DYM: variants seen among roughly 807,000 people sequenced by gnomAD.
DYM encodes dymeclin.
A neutral mutation model predicts 93.1 loss-of-function variants in DYM; 78 were observed. The observed-to-expected ratio is 0.84, with a 90% CI of 0.70 to 1.01. DYM has a LOEUF of 1.01. DYM is among the 50% of genes least tolerant of loss of function. The probability of loss-of-function intolerance (pLI) is 0.00; values close to 1 mark genes in which losing one functional copy is unlikely to be tolerated. For synonymous variants in DYM, 321 were observed against 319.7 expected (o/e 1.00, Z -0.04); for missense variants, 789 against 845.0 (o/e 0.93, Z 0.82).
intron 5 of DYM, among the ~76,000 whole-genome samples, chr18:49,367,481 G>T (rs976767472): frequency 6.6e-6 from 1 of 152,192 alleles, no homozygotes; most frequent in African/African-American, 2.4e-5. Flanking sequence ...CAGCACTGTT[G>T]TTTTGTCCTT....
At chr18:49,194,769 A>G (rs1219204248) in intron 14 of DYM, among the ~76,000 whole-genome samples, 1 of 152,202 alleles carries the variant, frequency 6.6e-6, no homozygotes, top group Admixed American at 6.5e-5. Flanking sequence ...AAATATTTCC[A>G]GTTATAGTAC....
At chr18:49,313,201 C>T (rs2061704508) in intron 8 of DYM, among the ~76,000 whole-genome samples, 2 of 152,100 alleles carry the variant, frequency 1.3e-5, no homozygotes, top group African/African-American at 2.4e-5. Context: ...CATGGTGGCT[C>T]ATGCCTGTAA....
At chr18:49,193,815 A>C (rs1379451011) in intron 14 of DYM, among the ~76,000 whole-genome samples, 1 of 152,204 alleles carries the variant, frequency 6.6e-6, no homozygotes, top group African/African-American at 2.4e-5. Flanking sequence ...CTCCTTCTTC[A>C]TCTTTTATAA....
At chr18:49,206,851 A>G (rs925756790) in intron 14 of DYM, among the ~76,000 whole-genome samples, 11 of 152,304 alleles carry the variant, frequency 7.2e-5, no homozygotes, top group African/African-American at 2.4e-4. Context: ...GAGTACTGAG[A>G]AACCCAAGTG....
intron 2 of DYM, among the ~76,000 whole-genome samples, chr18:49,401,906 A>C (rs1343115533): frequency 6.6e-6 from 1 of 151,950 alleles, no homozygotes; most frequent in Non-Finnish European, 1.5e-5. Context: ...CGCACCTGTA[A>C]TCCCAGCTAC....
At chr18:49,375,237 C>A in intron 5 of DYM, among the ~76,000 whole-genome samples, 1 of 138,624 alleles carries the variant, frequency 7.2e-6, no homozygotes, top group Non-Finnish European at 1.5e-5. Flanking sequence ...CACATCTATA[C>A]CTACCTTGGG....
chr18:49,354,625 C>CTAA (rs2065384820), intron 6 of DYM, among the ~76,000 whole-genome samples: 1 of 151,920 alleles, frequency 6.6e-6, no homozygotes, highest in African/African-American at 2.4e-5. Context: ...GGACCAAAGA[C>CTAA]TAACAGATAT....
chr18:49,294,082 C>T (rs1026456284), intron 8 of DYM, among the ~76,000 whole-genome samples: 1 of 152,154 alleles, frequency 6.6e-6, no homozygotes, highest in Non-Finnish European at 1.5e-5. Flanking sequence ...AATCCTTTCC[C>T]TGTTGCTTGT....
intron 15 of DYM, among the ~76,000 whole-genome samples, chr18:49,140,929 G>A (rs10775489): frequency 0.15 from 23,415 of 152,082 alleles, 2,138 homozygotes; most frequent in East Asian, 0.38. Flanking sequence ...CAAATCCAAT[G>A]TATGTGTTTT....
intron 8 of DYM, among the ~76,000 whole-genome samples, chr18:49,300,408 T>C (rs1399949049): frequency 6.6e-6 from 1 of 151,986 alleles, no homozygotes; most frequent in Non-Finnish European, 1.5e-5. Flanking sequence ...GAGACCAGCC[T>C]GGGCAACATA....
chr18:49,161,314 A>G (rs1316023847), intron 15 of DYM, among the ~76,000 whole-genome samples: 2 of 152,222 alleles, frequency 1.3e-5, no homozygotes, highest in Non-Finnish European at 2.9e-5. Context: ...TGGTTGGCAA[A>G]TACCAGTAAA....
At chr18:49,135,518 T>A (rs1398564755) in intron 15 of DYM, among the ~76,000 whole-genome samples, 2 of 152,272 alleles carry the variant, frequency 1.3e-5, no homozygotes, top group Non-Finnish European at 2.9e-5. Flanking sequence ...AAAACACCTA[T>A]CCCAATGCCT....
chr18:49,272,209 T>C lies in DYM; in HGVS notation c.1220A>G (p.Asp407Gly), dbSNP rs1422449661. Residue 407 changes from aspartate (D) to glycine (G), a missense_variant, in exon 11 of 18, where the codon GAT (aspartate) becomes GGT (glycine). Physicochemically the swap from Asp to Gly is moderately conservative, Grantham distance 94 (BLOSUM62 -1). Transcript: ENST00000675505. Reference sequence around the variant, plus strand: ...ATGAATGGATCTGTTGAAGCCATCATCTTCCGTAAGGATCAACAATATTAT... The same window carrying C: ...ATGAATGGATCTGTTGAAGCCATCACCTTCCGTAAGGATCAACAATATTAT... The part of the protein sequence containing the change: ...ALIILLILTE[D>G]DGFNRSIHEV... The C allele has an allele frequency of 1.2e-6, 2 of 1,612,204 alleles. No homozygotes were observed. Among genetic ancestry groups the C allele is most frequent in the Admixed American group, 3.3e-5 (2 of 59,966 alleles).
intron 14 of DYM, among the ~76,000 whole-genome samples, chr18:49,174,941 A>G (rs1389190854): frequency 6.6e-6 from 1 of 152,176 alleles, no homozygotes; most frequent in Non-Finnish European, 1.5e-5. Context: ...CCATAACAGA[A>G]AAAAACATCA....
chr18:49,229,989 C>T (rs1474274304), intron 13 of DYM, among the ~76,000 whole-genome samples: 2 of 152,022 alleles, frequency 1.3e-5, no homozygotes, highest in African/African-American at 2.4e-5. Context: ...AGACTAAATA[C>T]CATATGATAA....
At chr18:49,322,091 A>G (rs936464514) in intron 8 of DYM, among the ~76,000 whole-genome samples, 3 of 152,170 alleles carry the variant, frequency 2.0e-5, no homozygotes, top group African/African-American at 2.4e-5. Context: ...AATTAGGAAT[A>G]TGAGTTTTAA....
At chr18:49,184,253 G>A (rs922514056) in intron 14 of DYM, among the ~76,000 whole-genome samples, 8 of 146,016 alleles carry the variant, frequency 5.5e-5, no homozygotes, top group African/African-American at 2.0e-4. Flanking sequence ...TTTTTTTTTT[G>A]GCGGGGGAAG....
intron 13 of DYM, among the ~76,000 whole-genome samples, chr18:49,219,311 A>G (rs921285439): frequency 1.2e-3 from 186 of 152,078 alleles, no homozygotes; most frequent in African/African-American, 4.0e-3. Flanking sequence ...ATTCACAGCC[A>G]AATTCTACCA....
At chr18:49,459,646 A>G (rs763529885) in intron 1 of DYM, among the ~76,000 whole-genome samples, 3 of 151,778 alleles carry the variant, frequency 2.0e-5, no homozygotes, top group Non-Finnish European at 4.4e-5. Flanking sequence ...TGTGCCCCCT[A>G]ATCAGTCTAT....
Sources: allele counts gnomAD v4.1 joint callset (sites outside exome capture counted in the v4.1 genomes callset), GRCh38; gene constraint gnomAD v4.1.1; transcripts MANE v1.5; gene names NCBI Gene and HGNC (gene_info 2026-07-23, HGNC 2026-07-21).